The following MAPK10 variants were observed in gnomAD, a reference collection of about 807,000 sequenced individuals.
MAPK10 encodes the protein JNK3 alpha protein kinase.
A neutral mutation model predicts 59.3 loss-of-function variants in MAPK10; 25 were observed. The observed-to-expected ratio is 0.42, with a 90% CI of 0.31 to 0.59. The LOEUF (loss-of-function observed/expected upper bound fraction) is 0.59. Ranked by LOEUF, MAPK10 falls within the 20% of genes least tolerant of loss-of-function variation. The pLI, the probability that MAPK10 is intolerant of heterozygous loss-of-function variation, is 0.15. For missense variants in MAPK10, 351 were observed against 568.9 expected (o/e 0.62, Z 3.90); for synonymous variants, 190 against 200.5 (o/e 0.95, Z 0.44).
chr4:86,564,888 T>C (rs1357951705), intron 1 of MAPK10, among the ~76,000 whole-genome samples: 2 of 152,150 alleles, frequency 1.3e-5, no homozygotes, highest in African/African-American at 2.4e-5. Flanking sequence ...TCTGCATTTA[T>C]TCAAGCATGA....
intron 1 of MAPK10, among the ~76,000 whole-genome samples, chr4:86,583,865 G>T (rs550380506): frequency 6.6e-6 from 1 of 152,130 alleles, no homozygotes; most frequent in African/African-American, 2.4e-5. Flanking sequence ...CTAAATTGAG[G>T]TACCCACCTT....
In MAPK10 at chr4:86,171,252, C is replaced by T. The variant is rs59850912; in HGVS notation, c.67-11785G>A. On this transcript the variant is annotated intron_variant, in intron 3 of 13. Coordinates refer to ENST00000641462, the MANE Select transcript of MAPK10 (RefSeq NM_138982.4). ...AGCAGAACTGAAGGAAATAGAGACA[C>T]AAAAAACCCTTCAAAAAATTAATGA... is the stretch of plus-strand genomic sequence containing the variant. Among the ~76,000 whole-genome samples the T allele has an allele frequency of 2.4e-4, 37 of 151,964 alleles. No individual in the cohort carries two copies. In the South Asian group the frequency reaches 6.7e-3, roughly 27 times the overall value.
At chr4:86,417,193 C>A (rs943522491) in intron 1 of MAPK10, among the ~76,000 whole-genome samples, 3 of 152,004 alleles carry the variant, frequency 2.0e-5, no homozygotes, top group African/African-American at 7.2e-5. Context: ...GTGCTATTTG[C>A]ATAATTTTTT....
intron 11 of MAPK10, among the ~76,000 whole-genome samples, chr4:86,042,822 G>T (rs1403338756): frequency 6.6e-6 from 1 of 151,988 alleles, no homozygotes; most frequent in Non-Finnish European, 1.5e-5. Flanking sequence ...AGAAAACAAT[G>T]AGCTAAATGG....
At chr4:86,228,810 G>A (rs976843289) in intron 2 of MAPK10, among the ~76,000 whole-genome samples, 13 of 152,056 alleles carry the variant, frequency 8.5e-5, no homozygotes, top group Admixed American at 2.6e-4. Flanking sequence ...ACAGATTCCC[G>A]GGTAAGCTAT....
chr4:86,059,180 A>T (rs2045227833), intron 11 of MAPK10, among the ~76,000 whole-genome samples: 1 of 152,222 alleles, frequency 6.6e-6, no homozygotes, highest in South Asian at 2.1e-4. Context: ...CCTCTTTGGT[A>T]ATATCCAGTA....
chr4:86,086,490 C>T (rs1215174691), intron 9 of MAPK10, among the ~76,000 whole-genome samples: 4 of 151,856 alleles, frequency 2.6e-5, no homozygotes, highest in African/African-American at 9.7e-5. Context: ...CATTGCATGC[C>T]TGTATCAAAA....
At chr4:86,329,234 A>C (rs771768930) in intron 2 of MAPK10, among the ~76,000 whole-genome samples, 6 of 152,190 alleles carry the variant, frequency 3.9e-5, no homozygotes, top group Non-Finnish European at 8.8e-5. Context: ...AAATAGACTA[A>C]GACAAACATC....
intron 9 of MAPK10, among the ~76,000 whole-genome samples, chr4:86,088,030 C>T (rs945156643): frequency 2.0e-5 from 3 of 152,038 alleles, no homozygotes; most frequent in African/African-American, 7.2e-5. Flanking sequence ...GAGGTTTTAC[C>T]TTTAGTAGGA....
chr4:86,031,899 A>G (rs2039107450), intron 11 of MAPK10: 1 of 155,410 alleles, frequency 6.4e-6, no homozygotes, highest in Non-Finnish European at 1.4e-5. Context: ...TCAACAGACC[A>G]TAGTACTAGT....
At chr4:86,582,476 G>A (rs990757667) in intron 1 of MAPK10, among the ~76,000 whole-genome samples, 5 of 152,020 alleles carry the variant, frequency 3.3e-5, no homozygotes, top group East Asian at 1.9e-4. Flanking sequence ...AAAATTATAC[G>A]AACCTTATCT....
chr4:86,206,540 T>C (rs2084041658), intron 2 of MAPK10, among the ~76,000 whole-genome samples: 1 of 152,182 alleles, frequency 6.6e-6, no homozygotes, highest in East Asian at 1.9e-4. Context: ...GCATGATTTA[T>C]AGTCCTTTGG....
intron 1 of MAPK10, chr4:86,593,692 C>T (rs1763287219): frequency 6.6e-6 from 1 of 152,150 alleles, no homozygotes; most frequent in African/African-American, 2.4e-5. Context: ...GTGCTGTCAC[C>T]ACACTTTTGA....
intron 2 of MAPK10, among the ~76,000 whole-genome samples, chr4:86,195,317 C>T (rs905182406): frequency 2.6e-5 from 4 of 152,232 alleles, no homozygotes; most frequent in African/African-American, 9.6e-5. Context: ...CAATATGCGA[C>T]TTCCATTTCT....
chr4:86,434,685 G>A (rs1429695198), intron 1 of MAPK10, among the ~76,000 whole-genome samples: 9 of 152,188 alleles, frequency 5.9e-5, no homozygotes, highest in African/African-American at 1.9e-4. Context: ...AACCTCGTAC[G>A]CTGTTGATGA....
intron 4 of MAPK10, among the ~76,000 whole-genome samples, chr4:86,116,606 G>A (rs1423880136): frequency 1.3e-5 from 2 of 152,184 alleles, no homozygotes; most frequent in Non-Finnish European, 2.9e-5. Context: ...ACCCTGTGGG[G>A]TTTCTTGGCA....
At chr4:86,206,856 G>C (rs1331856366) in intron 2 of MAPK10, among the ~76,000 whole-genome samples, 2 of 152,180 alleles carry the variant, frequency 1.3e-5, no homozygotes, top group Non-Finnish European at 1.5e-5. Flanking sequence ...TTTGAGAAGT[G>C]TCTGTTCATA....
At chr4:86,511,739 G>A (rs1205990067) in intron 1 of MAPK10, among the ~76,000 whole-genome samples, 3 of 147,480 alleles carry the variant, frequency 2.0e-5, no homozygotes, top group Non-Finnish European at 4.5e-5. Flanking sequence ...GAGGGGGAGC[G>A]AGAGGGAAAG....
At chr4:86,174,885 A>T (rs1391891076) in intron 3 of MAPK10, among the ~76,000 whole-genome samples, 2 of 152,166 alleles carry the variant, frequency 1.3e-5, no homozygotes, top group African/African-American at 4.8e-5. Context: ...GAGAATGCAA[A>T]GCTCCTGACC....
Sources: gnomAD v4.1 joint callset for allele counts (sites outside exome capture counted in the v4.1 genomes callset) on GRCh38, gnomAD v4.1.1 for gene constraint, MANE v1.5 for transcripts, NCBI Gene and HGNC (gene_info 2026-07-23, HGNC 2026-07-21) for gene names.